Variants in LINC00632 observed in about 807,000 individuals in gnomAD.
LINC00632 encodes the protein long independently transcribed non-coding RNA 632.
intron 3 of LINC00632, among the ~76,000 whole-genome samples, chrX:140,751,667 T>C (rs933216988): frequency 4.5e-5 from 5 of 111,860 alleles, no homozygotes; most frequent in Non-Finnish European, 9.4e-5. Flanking sequence ...GAAAACCTTA[T>C]TGTAGTCCAC....
intron 3 of LINC00632, among the ~76,000 whole-genome samples, chrX:140,740,502 T>C (rs1214815810): frequency 2.7e-5 from 3 of 111,334 alleles, no homozygotes; most frequent in Non-Finnish European, 5.6e-5. Flanking sequence ...ATTCTAATGA[T>C]ACTCTTGATG....
At position 140,759,359 on chromosome X, in the gene LINC00632, TTC is replaced by T. The variant is rs200825081; in HGVS notation, n.192-12717_192-12716del. Among the ~76,000 whole-genome samples the T allele has an allele frequency of 1.2e-3, 121 of 100,942 alleles. 1 individual carries two copies. The highest frequency in any genetic ancestry group is 7.2e-3 in the Admixed American group (64 of 8,887). 87.7% of individuals were successfully genotyped at this position (100,942 alleles called of 115,157 possible). The stretch of plus-strand genomic sequence containing the variant: ...TTCCTTCCTTCCTTTCTTTCTTTCT[TTC>T]TTTCTTTTTAAAAGAGATGGACTCT... On this transcript the variant is annotated intron_variant and non_coding_transcript_variant, in intron 3 of 4. Coordinates refer to ENST00000648200, the Ensembl canonical transcript of LINC00632.
At chrX:140,787,801 AAAT>A (rs1932038709) in exon 5 of LINC00632, among the ~76,000 whole-genome samples, 1 of 111,271 alleles carries the variant, frequency 9.0e-6, no homozygotes, top group Non-Finnish European at 1.9e-5. Context: ...AGGTCACAAA[AAAT>A]ACGTATAATA....
intron 3 of LINC00632, among the ~76,000 whole-genome samples, chrX:140,742,907 A>G (rs939909921): frequency 3.9e-5 from 4 of 103,657 alleles, no homozygotes; most frequent in Non-Finnish European, 7.8e-5. Flanking sequence ...AAAGGAAAGG[A>G]AAAGGGAAAG....
At chrX:140,734,872 G>A (rs996227221) in intron 3 of LINC00632, among the ~76,000 whole-genome samples, 2 of 104,527 alleles carry the variant, frequency 1.9e-5, no homozygotes, top group Non-Finnish European at 3.9e-5. Flanking sequence ...AGCAATTCTC[G>A]TGCCTCAGCC....
At chrX:140,729,064 C>T (rs1197301266) in intron 2 of LINC00632, among the ~76,000 whole-genome samples, 2 of 111,112 alleles carry the variant, frequency 1.8e-5, no homozygotes, top group African/African-American at 6.6e-5. Flanking sequence ...ACACAAAAAC[C>T]CACAGTTCAA....
intron 3 of LINC00632, among the ~76,000 whole-genome samples, chrX:140,771,631 A>G (rs1931795503): frequency 1.1e-5 from 1 of 93,517 alleles, no homozygotes; most frequent in Admixed American, 1.2e-4. Flanking sequence ...ACACACACAC[A>G]CACACACACA....
At chrX:140,754,055 C>T (rs1458872694) in intron 3 of LINC00632, among the ~76,000 whole-genome samples, 1 of 111,398 alleles carries the variant, frequency 9.0e-6, no homozygotes, top group East Asian at 2.8e-4. Context: ...ATTACAAGCG[C>T]GGGCCACCGC....
exon 5 of LINC00632, among the ~76,000 whole-genome samples, chrX:140,790,415 A>T (rs1046694733): frequency 6.3e-5 from 7 of 111,133 alleles, no homozygotes; most frequent in African/African-American, 3.3e-5. Context: ...TCAACTGATA[A>T]TATTTCTCTA....
intron 3 of LINC00632, among the ~76,000 whole-genome samples, chrX:140,757,758 G>C (rs1218255407): frequency 3.6e-5 from 4 of 110,818 alleles, no homozygotes; most frequent in Non-Finnish European, 5.7e-5. Context: ...GTAGAGACAG[G>C]GTTTCACCAT....
exon 5 of LINC00632, among the ~76,000 whole-genome samples, chrX:140,780,808 C>G (rs1355991075): frequency 9.0e-6 from 1 of 111,609 alleles, no homozygotes; most frequent in Admixed American, 9.6e-5. Flanking sequence ...TTCATCATAA[C>G]TGATGCTGTG....
chrX:140,739,217 ATTTCTTTTTT>A (rs1372454825), intron 3 of LINC00632, among the ~76,000 whole-genome samples: 1 of 109,984 alleles, frequency 9.1e-6, no homozygotes, highest in Non-Finnish European at 1.9e-5. Flanking sequence ...ATCACATCTG[ATTTCTTTTTT>A]TTTCTTTTTG....
chrX:140,727,920 C>T (rs771885918), intron 2 of LINC00632, among the ~76,000 whole-genome samples: 1 of 111,748 alleles, frequency 8.9e-6, no homozygotes, highest in East Asian at 2.9e-4. Flanking sequence ...TACCCATGAA[C>T]TCACAGTCTT....
At chrX:140,733,674 T>C (rs541764646) in intron 2 of LINC00632, among the ~76,000 whole-genome samples, 2 of 112,426 alleles carry the variant, frequency 1.8e-5, no homozygotes, top group East Asian at 2.8e-4. Context: ...GATGTATTAA[T>C]CAACTTTTTT....
At chrX:140,766,680 A>T (rs1931696596) in intron 3 of LINC00632, among the ~76,000 whole-genome samples, 1 of 112,189 alleles carries the variant, frequency 8.9e-6, no homozygotes, top group South Asian at 3.7e-4. Flanking sequence ...ATATGCTTCT[A>T]CGTGCAGTGG....
chrX:140,722,531 C>G (rs1212835376), intron 2 of LINC00632, among the ~76,000 whole-genome samples: 1 of 111,049 alleles, frequency 9.0e-6, no homozygotes, highest in Non-Finnish European at 1.9e-5. Flanking sequence ...TAGCACAAGT[C>G]TGACATGCTG....
At chrX:140,724,925 A>G (rs1182134081) in intron 2 of LINC00632, among the ~76,000 whole-genome samples, 3 of 72,248 alleles carry the variant, frequency 4.2e-5, no homozygotes, top group African/African-American at 1.7e-4. Context: ...ACACATACAC[A>G]TTCCGTATAC....
At chrX:140,712,608 C>T (rs1020984912) in intron 2 of LINC00632, among the ~76,000 whole-genome samples, 1 of 110,247 alleles carries the variant, frequency 9.1e-6, no homozygotes, top group Non-Finnish European at 1.9e-5. Flanking sequence ...CTAACCCATG[C>T]CACCACTGCC....
intron 2 of LINC00632, among the ~76,000 whole-genome samples, chrX:140,724,026 C>T (rs1190453680): frequency 2.7e-4 from 12 of 43,885 alleles, no homozygotes; most frequent in Admixed American, 2.3e-3. Flanking sequence ...CACAGACACA[C>T]ATTCCATACA....
Sources: allele counts gnomAD v4.1 joint callset (sites outside exome capture counted in the v4.1 genomes callset), GRCh38; gene constraint gnomAD v4.1.1; transcripts MANE v1.5; gene names NCBI Gene and HGNC (gene_info 2026-07-23, HGNC 2026-07-21).